MTDH: variants seen among roughly 807,000 people sequenced by gnomAD.
The protein encoded by MTDH is metadherin, also known as protein LYRIC.
A neutral mutation model predicts 72.7 loss-of-function variants in MTDH; 34 were observed. The observed-to-expected ratio is 0.47, with a 90% confidence interval of 0.36 to 0.62. The LOEUF is 0.62. MTDH is among the 20% of genes least tolerant of loss of function. The pLI is 0.00. For synonymous variants in MTDH, 266 were observed against 268.9 expected (o/e 0.99, Z 0.10); for missense variants, 677 against 699.4 (o/e 0.97, Z 0.36).
rs192172133 is a variant in MTDH at position 97,654,274 on chromosome 8, T to C, written c.382-6798T>C. Among the ~76,000 whole-genome samples the C allele has an allele frequency of 7.9e-5, 12 of 152,368 alleles. No homozygotes were observed. The East Asian group carries it at 2.3e-3, about 29-fold the overall frequency. ...TGTGTCTAAAGCTATGGTTTATGTG[T>C]ATGTTTAGTTTATGTAGTTGCTGTG... On this transcript the variant is annotated intron_variant, in intron 1 of 11. Transcript: ENST00000336273.
At chr8:97,718,783 A>G (rs1043334985) in intron 9 of MTDH, among the ~76,000 whole-genome samples, 2 of 150,906 alleles carry the variant, frequency 1.3e-5, no homozygotes, top group Non-Finnish European at 3.0e-5. Flanking sequence ...TGCAGCCTCC[A>G]TCTCTCAGGC....
chr8:97,704,643 A>G (rs1430592051), intron 7 of MTDH, among the ~76,000 whole-genome samples: 4 of 151,770 alleles, frequency 2.6e-5, no homozygotes, highest in African/African-American at 4.8e-5. Context: ...TTATATACAT[A>G]TAATGTTTTA....
At chr8:97,645,520 T>C (rs1811532878) in intron 1 of MTDH, among the ~76,000 whole-genome samples, 1 of 152,106 alleles carries the variant, frequency 6.6e-6, no homozygotes, top group South Asian at 2.1e-4. Context: ...CTAATACGCT[T>C]TGAGGTGTAT....
At chr8:97,685,999 G>C (rs545936433) in intron 2 of MTDH, among the ~76,000 whole-genome samples, 1 of 152,228 alleles carries the variant, frequency 6.6e-6, no homozygotes, top group East Asian at 1.9e-4. Context: ...ACTTGTATGC[G>C]TATAGGTATT....
rs1260362390 is a variant in MTDH, at chr8:97,711,501, AAAC to A, written c.1273-2158_1273-2156del. 5.3e-5 allele frequency among the ~76,000 whole-genome samples: 8 copies of A among 151,942 alleles called. No individual in the cohort carries two copies. In the South Asian group the frequency reaches 1.5e-3, roughly 28 times the overall value. ...TGTCTTGAAAAAAACAAAACAAACA[AAAC>A]AAGGCAGGAATGAAACAGAGTGATC... On this transcript the variant is annotated intron_variant, in intron 8 of 11. Transcript: ENST00000336273.
intron 2 of MTDH, among the ~76,000 whole-genome samples, chr8:97,664,870 C>G (rs1470012615): frequency 6.6e-6 from 1 of 152,144 alleles, no homozygotes; most frequent in Non-Finnish European, 1.5e-5. Flanking sequence ...AAACAATTCT[C>G]CTGCCTCAGC....
At chr8:97,652,293 C>A (rs1811803189) in intron 1 of MTDH, among the ~76,000 whole-genome samples, 1 of 152,188 alleles carries the variant, frequency 6.6e-6, no homozygotes, top group African/African-American at 2.4e-5. Context: ...CTGTTCAGTT[C>A]TTGAAACTCT....
At chr8:97,692,542 A>AT (rs149399419) in intron 6 of MTDH, among the ~76,000 whole-genome samples, 1 of 150,206 alleles carries the variant, frequency 6.7e-6, no homozygotes, top group Non-Finnish European at 1.5e-5. Context: ...TCAGCTAATT[A>AT]TTTTTTTGTA....
At chr8:97,656,097 C>T (rs905542395) in intron 1 of MTDH, among the ~76,000 whole-genome samples, 17 of 152,028 alleles carry the variant, frequency 1.1e-4, no homozygotes, top group African/African-American at 4.1e-4. Context: ...TAAGAAGTTT[C>T]TAGGTCATTT....
At chr8:97,674,938 G>A (rs1218618068) in intron 2 of MTDH, among the ~76,000 whole-genome samples, 1 of 151,948 alleles carries the variant, frequency 6.6e-6, no homozygotes, top group Non-Finnish European at 1.5e-5. Context: ...AGCTTCCCAA[G>A]TAGCTGGGAC....
chr8:97,699,266 C>T (rs910132090), intron 6 of MTDH, among the ~76,000 whole-genome samples: 3 of 151,792 alleles, frequency 2.0e-5, no homozygotes, highest in Admixed American at 6.6e-5. Flanking sequence ...CCGGCCTGGG[C>T]AACAAAGTGA....
At chr8:97,720,864 G>C (rs1815092940) in intron 10 of MTDH, among the ~76,000 whole-genome samples, 1 of 151,572 alleles carries the variant, frequency 6.6e-6, no homozygotes, top group East Asian at 2.0e-4. Flanking sequence ...TTGTTGGCCA[G>C]GCTAGTCTCG....
chr8:97,699,358 G>C (rs76495594), intron 6 of MTDH, among the ~76,000 whole-genome samples: 3,877 of 152,008 alleles, frequency 0.026, 114 homozygotes, highest in African/African-American at 0.062. Flanking sequence ...GATCTCTTGA[G>C]CCTGCGAGGT....
At chr8:97,711,165 T>A (rs1814615198) in intron 8 of MTDH, among the ~76,000 whole-genome samples, 1 of 151,814 alleles carries the variant, frequency 6.6e-6, no homozygotes, top group African/African-American at 2.4e-5. Flanking sequence ...AAATTAAACC[T>A]TTTATTTTGA....
chr8:97,654,619 A>G (rs542382679), intron 1 of MTDH, among the ~76,000 whole-genome samples: 3 of 151,758 alleles, frequency 2.0e-5, no homozygotes, highest in African/African-American at 4.8e-5. Flanking sequence ...GGTTTGTTAC[A>G]TAGGTATACA....
chr8:97,666,127 C>CAAAA (rs1232775004), intron 2 of MTDH, among the ~76,000 whole-genome samples: 2 of 68,230 alleles, frequency 2.9e-5, no homozygotes, highest in Admixed American at 1.7e-4. Context: ...GACTCCGTCT[C>CAAAA]AAAAAAAAAA....
intron 2 of MTDH, among the ~76,000 whole-genome samples, chr8:97,671,823 G>A (rs571137685): frequency 6.6e-6 from 1 of 152,172 alleles, no homozygotes; most frequent in East Asian, 1.9e-4. Flanking sequence ...CAGCCCGGAT[G>A]GTAGAGCAAG....
intron 7 of MTDH, among the ~76,000 whole-genome samples, chr8:97,704,674 A>G (rs1275087276): frequency 6.6e-6 from 1 of 151,964 alleles, no homozygotes; most frequent in South Asian, 2.1e-4. Flanking sequence ...TCTCTTCCTC[A>G]TAAATTTGAG....
At chr8:97,720,460 C>G (rs898609286) in intron 10 of MTDH, among the ~76,000 whole-genome samples, 1 of 151,372 alleles carries the variant, frequency 6.6e-6, no homozygotes, top group African/African-American at 2.4e-5. Context: ...GCTTGTAGTC[C>G]CAGCTACTCG....
Sources: allele counts gnomAD v4.1 joint callset (sites outside exome capture counted in the v4.1 genomes callset), GRCh38; gene constraint gnomAD v4.1.1; transcripts MANE v1.5; gene names NCBI Gene and HGNC (gene_info 2026-07-23, HGNC 2026-07-21).